The following DKC1 variants were observed in gnomAD, a reference collection of about 807,000 sequenced individuals.
The protein encoded by DKC1 is dyskerin pseudouridine synthase 1.
In DKC1, 4 loss-of-function variants were observed where a neutral mutation model predicts 46.7. The ratio of observed to expected loss-of-function variants is 0.09; its 90% CI spans 0.04 to 0.20. The LOEUF (loss-of-function observed/expected upper bound fraction) is 0.20. Among genes scored for constraint, DKC1 ranks in the 10% least tolerant of loss-of-function variants. The pLI, the probability that DKC1 is intolerant of heterozygous loss-of-function variation, is 1.00. For missense variants in DKC1, 171 were observed against 404.2 expected (o/e 0.42, Z 4.95); for synonymous variants, 141 against 142.4 (o/e 0.99, Z 0.07).
At chrX:154,770,065 A>C (rs1557264718) in intron 9 of DKC1, among the ~76,000 whole-genome samples, 1 of 111,756 alleles carries the variant, frequency 8.9e-6, no homozygotes, top group South Asian at 3.7e-4. Context: ...TCTTGTTTTC[A>C]AGTTCTTTAA....
rs949327136 is a variant in DKC1 at position 154,775,229 on chromosome X, G to T, written c.1294G>T (p.Val432Leu). 8.3e-7 allele frequency: 1 copy of T among 1,210,805 alleles called. No individual in the cohort carries two copies. Among genetic ancestry groups the T allele is most frequent in the African/African-American group, 1.7e-5 (1 of 57,415 alleles). Reference sequence around the variant, plus strand: ...CAAAAAAGAGGTGGTTGCTGAAGTGGTAAAAGCCCCGCAGGTAGTTGCCGA... The same window carrying T: ...CAAAAAAGAGGTGGTTGCTGAAGTGTTAAAAGCCCCGCAGGTAGTTGCCGA... Reference protein sequence around the residue: ...SAKKEVVAEVVKAPQVVAEAA... With the variant: ...SAKKEVVAEVLKAPQVVAEAA... Residue 432 changes from valine to leucine, a missense_variant, in exon 13 of 15, where the codon GTA becomes TTA. Val to Leu is a conservative substitution (Grantham distance 32, BLOSUM62 1). This residue lies in a region of DKC1 where 54 missense variants were observed against 64.4 expected (regional missense o/e 0.84). Transcript: ENST00000369550.
intron 1 of DKC1, among the ~76,000 whole-genome samples, chrX:154,764,651 G>A (rs974201916): frequency 4.9e-4 from 54 of 109,927 alleles, no homozygotes; most frequent in African/African-American, 1.7e-3. Flanking sequence ...ACACACAGTA[G>A]CCTTGACCTA....
Position 154,770,467 on chromosome X carries a change from T to TTAAAAAAA in DKC1, c.916-292_916-291insTAAAAAAA, listed in dbSNP as rs782272867. On this transcript the variant is annotated intron_variant, in intron 9 of 14. Coordinates refer to ENST00000369550, the MANE Select transcript of DKC1 (RefSeq NM_001363.5). Reference sequence around the variant, plus strand: ...ACAGAGGGAGGTTCTGCCTGAAAATTAAAAAAAAAAAAAAAAAAAAAAGAA... The same window carrying TTAAAAAAA: ...ACAGAGGGAGGTTCTGCCTGAAAATTTAAAAAAAAAAAAAAAAAAAAAAAAAAAAAGAA... Among the ~76,000 whole-genome samples the TTAAAAAAA allele has an allele frequency of 5.5e-3, 372 of 67,757 alleles. 4 individuals carry two copies. The highest frequency in any genetic ancestry group is 0.021 in the African/African-American group (361 of 17,180). 58.8% of individuals were successfully genotyped at this position (67,757 alleles called of 115,157 possible).
chrX:154,764,483 C>G (rs1445027687), intron 1 of DKC1, among the ~76,000 whole-genome samples: 1 of 111,419 alleles, frequency 9.0e-6, no homozygotes, highest in African/African-American at 3.3e-5. Context: ...CTTTTTACTT[C>G]GACTGTTGTA....
chrX:154,771,786 C>CT (rs2071829781), intron 10 of DKC1, among the ~76,000 whole-genome samples: 1 of 112,103 alleles, frequency 8.9e-6, no homozygotes, highest in South Asian at 3.7e-4. Context: ...ATCCATTTAT[C>CT]TGTCGATGGG....
intron 6 of DKC1, 29 bp downstream of exon 6, chrX:154,767,090 C>G (rs201758541): frequency 8.4e-7 from 1 of 1,190,960 alleles, no homozygotes; most frequent in Admixed American, 2.2e-5. Context: ...GGAGGACACC[C>G]TTTGTTGACT....
chrX:154,764,168 A>AT (rs1368309876), intron 1 of DKC1, among the ~76,000 whole-genome samples: 2 of 105,395 alleles, frequency 1.9e-5, no homozygotes, highest in East Asian at 8.0e-4. Context: ...AAAAAAAAAA[A>AT]TTATATATAT....
intron 12 of DKC1, 34 bp downstream of exon 12, chrX:154,774,739 A>G (rs782736445): frequency 9.0e-7 from 1 of 1,116,276 alleles, no homozygotes; most frequent in Non-Finnish European, 1.2e-6. Flanking sequence ...CGGGGTGGGT[A>G]GAGACGGCAC....
In DKC1 at chrX:154,770,443, C is replaced by T. The variant is rs12353643; in HGVS notation, c.916-316C>T. Among the ~76,000 whole-genome samples the T allele has an allele frequency of 8.1e-3, 651 of 80,165 alleles. 7 individuals carry two copies. The highest frequency in any genetic ancestry group is 0.031 in the African/African-American group (625 of 20,482). The allele number at this position is 80,165 out of a possible 115,157, so 69.6% of individuals were successfully genotyped here. ...TGCCACTGCACTCCACCCTGGACAA[C>T]AGAGGGAGGTTCTGCCTGAAAATTA... On this transcript the variant is annotated intron_variant, in intron 9 of 14. Transcript: ENST00000369550.
At chrX:154,772,099 C>T (rs183149603) in intron 10 of DKC1, among the ~76,000 whole-genome samples, 3 of 112,503 alleles carry the variant, frequency 2.7e-5, no homozygotes, top group Admixed American at 1.9e-4. Flanking sequence ...GCATTTCTCT[C>T]GTGATCAGCA....
chrX:154,776,691 C>T (rs2071901267), intron 14 of DKC1, 108 bp from the exon 15 acceptor site: 1 of 803,713 alleles, frequency 1.2e-6, no homozygotes, highest in Non-Finnish European at 1.9e-6. Flanking sequence ...CCTTACAGGT[C>T]CTGAAAAAGG....
chrX:154,771,562 C>T (rs969360770), intron 10 of DKC1, among the ~76,000 whole-genome samples: 12 of 107,975 alleles, frequency 1.1e-4, no homozygotes, highest in Non-Finnish European at 5.8e-5. Context: ...CTCTGGTAAC[C>T]ATTCTTTTAC....
intron 2 of DKC1, chrX:154,765,178 C>T: frequency 2.1e-6 from 1 of 469,213 alleles, no homozygotes; most frequent in Non-Finnish European, 3.7e-6. Context: ...GCCTTACCAA[C>T]TGCTGTCTCT....
rs995879395 is a variant in DKC1 at position 154,770,645 on chromosome X, C to T, written c.916-114C>T. 96 of 1,032,037 alleles carry T rather than the reference C, an allele frequency of 9.3e-5. No homozygotes were observed. In the African/African-American group the frequency reaches 1.5e-3, roughly 16 times the overall value. The allele number at this position is 1,032,037 out of a possible 1,213,427, so 85.1% of individuals were successfully genotyped here. On this transcript the variant is annotated intron_variant, in intron 9 of 14. Coordinates refer to ENST00000369550, the MANE Select transcript of DKC1 (RefSeq NM_001363.5). ...CTTGCAGCTAGTGGGCTATAAGTGT[C>T]ATCCCTGTTTCCTGGTGTCAGGCCC...
At chrX:154,763,115 T>A in intron 1 of DKC1, 134 bp downstream of exon 1, 1 of 808,504 alleles carries the variant, frequency 1.2e-6, no homozygotes, top group Admixed American at 2.6e-5. Context: ...CGCCCGGCCT[T>A]AAGCCGGCCT....
At chrX:154,763,232 C>G (rs1557263777) in intron 1 of DKC1, among the ~76,000 whole-genome samples, 1 of 112,022 alleles carries the variant, frequency 8.9e-6, no homozygotes, top group South Asian at 3.7e-4. Flanking sequence ...TCCGGGTCGC[C>G]GTCGAAAGAC....
At chrX:154,765,597 T>G in intron 3 of DKC1, 67 bp downstream of exon 3, 1 of 845,627 alleles carries the variant, frequency 1.2e-6, no homozygotes, top group Non-Finnish European at 1.8e-6. Context: ...GTTAAACAAT[T>G]GATTGAGAAT....
chrX:154,763,810 G>T (rs2071711059), intron 1 of DKC1, among the ~76,000 whole-genome samples: 1 of 111,826 alleles, frequency 8.9e-6, no homozygotes, highest in Non-Finnish European at 1.9e-5. Context: ...GAATGCTGTA[G>T]GCAGTTGGGA....
chrX:154,766,915 A>G (rs1311715730), intron 5 of DKC1, 82 bp from the exon 6 acceptor site: 4 of 928,578 alleles, frequency 4.3e-6, no homozygotes, highest in Non-Finnish European at 6.3e-6. Context: ...GCTGTGCAAA[A>G]TGGGAGTGAC....
Sources: gnomAD v4.1 joint callset for allele counts (sites outside exome capture counted in the v4.1 genomes callset) on GRCh38, gnomAD v4.1.1 for gene constraint, gnomAD v4.1.1 regional missense constraint, MANE v1.5 for transcripts, NCBI Gene and HGNC (gene_info 2026-07-23, HGNC 2026-07-21) for gene names.